Variants in DCC observed in about 807,000 individuals in gnomAD.
The protein encoded by DCC is netrin receptor DCC.
Under a neutral mutation model 172.5 loss-of-function variants are expected in DCC, and 58 were observed. The observed-to-expected ratio is 0.34, with a 90% CI of 0.27 to 0.42. The LOEUF (loss-of-function observed/expected upper bound fraction) is 0.42, where lower values mean the gene tolerates loss of function less well. DCC is among the 10% of genes least tolerant of loss of function. The pLI is 1.00. For missense variants in DCC, 1,740 were observed against 1,791.0 expected (o/e 0.97, Z 0.51); for synonymous variants, 709 against 644.5 (o/e 1.10, Z -1.52).
chr18:53,490,251 G>T (rs1478540674), intron 26 of DCC, among the ~76,000 whole-genome samples: 2 of 152,116 alleles, frequency 1.3e-5, no homozygotes, highest in African/African-American at 4.8e-5. Context: ...AGAAACTGGG[G>T]TTATGTAAAA....
At chr18:53,284,488 T>G (rs1368206581) in intron 12 of DCC, among the ~76,000 whole-genome samples, 1 of 152,162 alleles carries the variant, frequency 6.6e-6, no homozygotes, top group Non-Finnish European at 1.5e-5. Flanking sequence ...TCTGCCACCA[T>G]GTGAGACGTG....
At chr18:53,120,945 A>G (rs1029638150) in intron 7 of DCC, among the ~76,000 whole-genome samples, 4 of 151,930 alleles carry the variant, frequency 2.6e-5, no homozygotes, top group Non-Finnish European at 5.9e-5. Context: ...AAGTAAGACT[A>G]TGATGATTAA....
intron 5 of DCC, among the ~76,000 whole-genome samples, chr18:52,975,592 T>C (rs1225939059): frequency 6.6e-6 from 1 of 152,178 alleles, no homozygotes; most frequent in Non-Finnish European, 1.5e-5. Flanking sequence ...CTCCCACTTA[T>C]AGGTGACAAC....
chr18:53,464,827 A>C (rs907282972), intron 24 of DCC, among the ~76,000 whole-genome samples: 2 of 151,894 alleles, frequency 1.3e-5, no homozygotes, highest in Admixed American at 1.3e-4. Context: ...TAAAAGTACA[A>C]AATTAGCCAG....
chr18:52,636,561 C>G (rs781429167), intron 1 of DCC, among the ~76,000 whole-genome samples: 1 of 152,178 alleles, frequency 6.6e-6, no homozygotes. Context: ...TGACTGCCAG[C>G]TTTCCCCCAC....
intron 7 of DCC, among the ~76,000 whole-genome samples, chr18:53,126,709 GTCA>G (rs2043562305): frequency 6.6e-6 from 1 of 152,034 alleles, no homozygotes; most frequent in South Asian, 2.1e-4. Flanking sequence ...GTTCTTTGTT[GTCA>G]TCATTTTCTT....
chr18:52,393,229 CAG>C (rs1486696039), intron 1 of DCC, among the ~76,000 whole-genome samples: 1 of 152,078 alleles, frequency 6.6e-6, no homozygotes, highest in African/African-American at 2.4e-5. Context: ...CCATTCATAA[CAG>C]AGGGTTATTG....
chr18:52,363,146 G>A (rs1305988949), intron 1 of DCC, among the ~76,000 whole-genome samples: 2 of 152,054 alleles, frequency 1.3e-5, no homozygotes, highest in African/African-American at 2.4e-5. Context: ...CAAAGTGCTG[G>A]GATTACAGAC....
chr18:52,890,658 C>A (rs1162614289), intron 2 of DCC, among the ~76,000 whole-genome samples: 1 of 152,036 alleles, frequency 6.6e-6, no homozygotes, highest in Non-Finnish European at 1.5e-5. Flanking sequence ...ATAGATAGTT[C>A]TATATCTAAG....
At chr18:53,077,493 G>A (rs745666451) in intron 7 of DCC, among the ~76,000 whole-genome samples, 3 of 152,110 alleles carry the variant, frequency 2.0e-5, no homozygotes, top group Non-Finnish European at 2.9e-5. Flanking sequence ...CTCTGGTCCC[G>A]TTTTTCCCTG....
intron 5 of DCC, among the ~76,000 whole-genome samples, chr18:52,949,633 G>T (rs1012552206): frequency 7.2e-5 from 11 of 152,196 alleles, no homozygotes; most frequent in Non-Finnish European, 1.6e-4. Context: ...ACCCAAGTAT[G>T]TGTGGTAAAG....
rs529148368 is a variant in DCC, at chr18:53,329,935, A to G, written c.2164+7778A>G. 1.4e-4 allele frequency among the ~76,000 whole-genome samples: 22 copies of G among 152,342 alleles called. No individual in the cohort carries two copies. The South Asian group carries it at 4.6e-3, about 32-fold the overall frequency. On this transcript the variant is annotated intron_variant, in intron 14 of 28. Coordinates refer to ENST00000442544, the MANE Select transcript of DCC (RefSeq NM_005215.4). ...ATATTTGAGAAATAAATATAAAAAT[A>G]AAGCTAGCTTCTCAAGCTGCAGATT... is the stretch of plus-strand genomic sequence containing the variant.
chr18:52,812,420 C>T (rs990084859), intron 2 of DCC, among the ~76,000 whole-genome samples: 1 of 152,126 alleles, frequency 6.6e-6, no homozygotes, highest in Non-Finnish European at 1.5e-5. Flanking sequence ...TTCAGTACAA[C>T]CAACAATTCA....
chr18:52,851,457 C>T (rs1433435193), intron 2 of DCC, among the ~76,000 whole-genome samples: 1 of 152,040 alleles, frequency 6.6e-6, no homozygotes, highest in Non-Finnish European at 1.5e-5. Flanking sequence ...ACCACAGTCT[C>T]CATCACTCCC....
intron 1 of DCC, among the ~76,000 whole-genome samples, chr18:52,600,007 C>T (rs2033986110): frequency 1.3e-5 from 2 of 152,136 alleles, no homozygotes; most frequent in African/African-American, 4.8e-5. Flanking sequence ...TAATGGATAA[C>T]AGTCATATTC....
At chr18:53,071,378 G>C (rs1024300399) in intron 7 of DCC, among the ~76,000 whole-genome samples, 7 of 152,084 alleles carry the variant, frequency 4.6e-5, no homozygotes, top group Admixed American at 6.5e-5. Flanking sequence ...GTTTCCTCTA[G>C]ATAAAGATCA....
At chr18:52,643,958 G>GTTT (rs33955494) in intron 1 of DCC, among the ~76,000 whole-genome samples, 9 of 149,754 alleles carry the variant, frequency 6.0e-5, no homozygotes, top group African/African-American at 2.2e-4. Flanking sequence ...CAGTATTTTG[G>GTTT]TTTTTTTTTT....
chr18:52,880,230 G>C (rs1330807540), intron 2 of DCC, among the ~76,000 whole-genome samples: 1 of 151,928 alleles, frequency 6.6e-6, no homozygotes, highest in African/African-American at 2.4e-5. Flanking sequence ...TCTGCCTCCT[G>C]TGTTCAAGCA....
At chr18:52,777,147 A>G (rs925511337) in intron 2 of DCC, among the ~76,000 whole-genome samples, 3 of 152,212 alleles carry the variant, frequency 2.0e-5, no homozygotes, top group Non-Finnish European at 4.4e-5. Context: ...ATGTCCACAC[A>G]TCTGCCTCGC....
Sources: allele counts gnomAD v4.1 joint callset (sites outside exome capture counted in the v4.1 genomes callset), GRCh38; gene constraint gnomAD v4.1.1; transcripts MANE v1.5; gene names NCBI Gene and HGNC (gene_info 2026-07-23, HGNC 2026-07-21).